Variants in PCDHGB2 observed in about 807,000 individuals in gnomAD.
PCDHGB2 encodes the protein protocadherin gamma subfamily B, 2.
Under a neutral mutation model 59.3 loss-of-function variants are expected in PCDHGB2, and 55 were observed. The observed-to-expected ratio is 0.93, with a 90% CI of 0.75 to 1.16. PCDHGB2 has a LOEUF of 1.16. Ranked by LOEUF, PCDHGB2 falls within the 50% of genes most tolerant of loss-of-function variation. PCDHGB2 has a pLI of 0.00. For missense variants in PCDHGB2, 1,228 were observed against 1,198.5 expected (o/e 1.02, Z -0.36); for synonymous variants, 516 against 512.0 (o/e 1.01, Z -0.11).
At chr5:141,446,447 A>G (rs2098502204) in intron 1 of PCDHGB2, among the ~76,000 whole-genome samples, 1 of 151,946 alleles carries the variant, frequency 6.6e-6, no homozygotes, top group Non-Finnish European at 1.5e-5. Context: ...AACAGTGCAG[A>G]TATTCAGTGT....
At chr5:141,461,819 A>T (rs573339238) in intron 1 of PCDHGB2, among the ~76,000 whole-genome samples, 68 of 149,282 alleles carry the variant, frequency 4.6e-4, no homozygotes, top group Non-Finnish European at 9.5e-4. Flanking sequence ...ACACCCAGCT[A>T]ATTTTTTTTT....
At chr5:141,370,684 G>A in intron 1 of PCDHGB2, 1 of 1,613,842 alleles carries the variant, frequency 6.2e-7, no homozygotes, top group Non-Finnish European at 8.5e-7. Context: ...GAGATTTGTG[G>A]CAAGAAGTCG....
At chr5:141,398,496 C>G (rs1435117425) in intron 1 of PCDHGB2, 2 of 1,608,668 alleles carry the variant, frequency 1.2e-6, no homozygotes, top group Admixed American at 1.7e-5. Context: ...ATGTGGAGAT[C>G]GAGGACATTA....
intron 1 of PCDHGB2, among the ~76,000 whole-genome samples, chr5:141,368,196 G>T (rs1437997648): frequency 1.3e-5 from 2 of 152,104 alleles, no homozygotes; most frequent in Non-Finnish European, 2.9e-5. Flanking sequence ...AGGGGAAAAG[G>T]TAATAAAATA....
In PCDHGB2 at chr5:141,490,861, T is replaced by C. The variant is rs1465042036; in HGVS notation, c.2422-3946T>C. The C allele has an allele frequency of 1.2e-6, 2 of 1,613,816 alleles. No individual in the cohort carries two copies. Among genetic ancestry groups the C allele is most frequent in the Non-Finnish European group, 1.7e-6 (2 of 1,179,920 alleles). On this transcript the variant is annotated intron_variant, in intron 1 of 3. Coordinates refer to ENST00000522605, the MANE Select transcript of PCDHGB2 (RefSeq NM_018923.3). The surrounding 1 kb of genome is among the most constrained non-coding windows in gnomAD (Gnocchi z 5.4). Reference sequence around the variant, plus strand: ...TGTGGTGGGGGTTCGAGACTCCGGCTCTCCCCCATTGCATGCCAACACATC... The same window carrying C: ...TGTGGTGGGGGTTCGAGACTCCGGCCCTCCCCCATTGCATGCCAACACATC...
chr5:141,435,290 A>G (rs2097756551), intron 1 of PCDHGB2, among the ~76,000 whole-genome samples: 1 of 152,158 alleles, frequency 6.6e-6, no homozygotes, highest in African/African-American at 2.4e-5. Context: ...ATCCCAAGTC[A>G]TTTCATGGTT....
chr5:141,394,257 C>A (rs1256817731), intron 1 of PCDHGB2: 1 of 1,613,828 alleles, frequency 6.2e-7, no homozygotes, highest in Non-Finnish European at 8.5e-7. Flanking sequence ...CCCCGACAGC[C>A]AGGAGAATGC....
chr5:141,413,013 C>A, intron 1 of PCDHGB2: 2 of 661,008 alleles, frequency 3.0e-6, no homozygotes, highest in Admixed American at 6.8e-5. Context: ...GCTTCAACTA[C>A]ACAAGCCCCA....
intron 1 of PCDHGB2, chr5:141,375,342 T>C: frequency 6.2e-7 from 1 of 1,613,798 alleles, no homozygotes; most frequent in Non-Finnish European, 8.5e-7. Flanking sequence ...TTGTACAACA[T>C]CACTGTGACA....
intron 1 of PCDHGB2, among the ~76,000 whole-genome samples, chr5:141,461,978 C>T (rs888687367): frequency 2.6e-5 from 4 of 152,216 alleles, no homozygotes; most frequent in African/African-American, 9.6e-5. Flanking sequence ...CATATGCCAC[C>T]ACGCCAGGCT....
At chr5:141,371,260 G>C in intron 1 of PCDHGB2, 1 of 1,614,034 alleles carries the variant, frequency 6.2e-7, no homozygotes, top group Non-Finnish European at 8.5e-7. Flanking sequence ...AAGGAAGTGA[G>C]ACAACTGTTC....
intron 1 of PCDHGB2, chr5:141,389,423 C>A (rs779826135): frequency 1.9e-6 from 3 of 1,613,398 alleles, no homozygotes; most frequent in Non-Finnish European, 8.5e-7. Context: ...GGGTGGTGTT[C>A]GCGCAGCGCG....
chr5:141,415,113 C>T, intron 1 of PCDHGB2: 1 of 1,613,642 alleles, frequency 6.2e-7, no homozygotes, highest in Middle Eastern at 1.7e-4. Context: ...AGCAAAGCCT[C>T]GTAGTGGCCG....
At chr5:141,366,586 C>T in intron 1 of PCDHGB2, 1 of 1,614,262 alleles carries the variant, frequency 6.2e-7, no homozygotes, top group Non-Finnish European at 8.5e-7. Flanking sequence ...TCCTGCAGAC[C>T]TATTCCCACG....
At chr5:141,439,124 CAG>C (rs2098089371) in intron 1 of PCDHGB2, among the ~76,000 whole-genome samples, 1 of 150,004 alleles carries the variant, frequency 6.7e-6, no homozygotes, top group Non-Finnish European at 1.5e-5. Flanking sequence ...ACCCGGGAGA[CAG>C]AGGTTGCAGT....
At position 141,476,453 on chromosome 5, in the gene PCDHGB2, G is replaced by A. The variant is rs1432113874; in HGVS notation, c.2422-18354G>A. 3 of 1,614,138 alleles carry A rather than the reference G, an allele frequency of 1.9e-6. No individual in the cohort carries two copies. The East Asian group carries it at 6.7e-5, about 36-fold the overall frequency. ...CACTGTAACTCTGGAGTTGGTAGTG[G>A]AGAACCCGCTGGAGCTGTTCAGCGT... On this transcript the variant is annotated intron_variant, in intron 1 of 3. Transcript: ENST00000522605. The surrounding 1 kb of genome is among the most constrained non-coding windows in gnomAD (Gnocchi z 7.6).
At chr5:141,449,349 G>C (rs191322076) in intron 1 of PCDHGB2, among the ~76,000 whole-genome samples, 2 of 152,074 alleles carry the variant, frequency 1.3e-5, no homozygotes, top group African/African-American at 4.8e-5. Flanking sequence ...GCTCACTCCT[G>C]TAATCCCAGC....
chr5:141,418,244 C>G (rs746986702), intron 1 of PCDHGB2: 1 of 1,613,980 alleles, frequency 6.2e-7, no homozygotes. Flanking sequence ...TGTTAATGAC[C>G]ACGCCCCTCA....
intron 1 of PCDHGB2, chr5:141,395,264 A>T: frequency 1.3e-6 from 2 of 1,549,832 alleles, no homozygotes; most frequent in Non-Finnish European, 1.7e-6. Flanking sequence ...GCTTGCTTTT[A>T]ATTTCCAGAT....
Sources: gnomAD v4.1 joint callset for allele counts (sites outside exome capture counted in the v4.1 genomes callset) on GRCh38, gnomAD v4.1.1 for gene constraint, Gnocchi (gnomAD v3.1) non-coding constraint, MANE v1.5 for transcripts, NCBI Gene and HGNC (gene_info 2026-07-23, HGNC 2026-07-21) for gene names.